CLASP2: variants seen among roughly 807,000 people sequenced by gnomAD.
CLASP2 encodes the protein cytoplasmic linker associated protein 2, also known as CLIP-associating protein 2.
Under a neutral mutation model 194.4 loss-of-function variants are expected in CLASP2, and 47 were observed. That is an observed-to-expected ratio of 0.24 (90% CI 0.19 to 0.31). The LOEUF (loss-of-function observed/expected upper bound fraction) is 0.31. CLASP2 is among the 10% of genes least tolerant of loss of function. CLASP2 has a pLI of 1.00. For synonymous variants in CLASP2, 619 were observed against 633.5 expected (o/e 0.98, Z 0.34); for missense variants, 1,445 against 1,823.6 (o/e 0.79, Z 3.78).
chr3:33,672,868 G>A (rs1196849079), intron 6 of CLASP2, among the ~76,000 whole-genome samples: 2 of 152,160 alleles, frequency 1.3e-5, no homozygotes, highest in African/African-American at 2.4e-5. Context: ...TGAATGAAAT[G>A]AAGCAAGAAG....
chr3:33,582,027 G>T, intron 22 of CLASP2, 99 bp from the exon 23 acceptor site: 1 of 650,392 alleles, frequency 1.5e-6, no homozygotes, highest in Non-Finnish European at 2.7e-6. Flanking sequence ...AGACTGAACA[G>T]TAACTTAAAT....
At chr3:33,620,260 C>T (rs997568375) in intron 11 of CLASP2, among the ~76,000 whole-genome samples, 21 of 152,068 alleles carry the variant, frequency 1.4e-4, no homozygotes, top group African/African-American at 4.1e-4. Context: ...TTTCCAAATC[C>T]GCAGTCAAAA....
intron 25 of CLASP2, among the ~76,000 whole-genome samples, chr3:33,572,907 A>G (rs1380860741): frequency 1.3e-5 from 2 of 149,630 alleles, no homozygotes; most frequent in African/African-American, 5.0e-5. Flanking sequence ...TAATAGAACA[A>G]ATAATTTTTT....
intron 34 of CLASP2, among the ~76,000 whole-genome samples, chr3:33,529,984 CAAAA>C (rs1169927619): frequency 6.2e-5 from 2 of 32,240 alleles, no homozygotes; most frequent in Non-Finnish European, 1.2e-4. Context: ...GACTCCGTCT[CAAAA>C]AAAAAAAAAA....
chr3:33,642,517 G>A (rs1299208737), intron 8 of CLASP2, among the ~76,000 whole-genome samples: 3 of 151,742 alleles, frequency 2.0e-5, no homozygotes, highest in East Asian at 1.9e-4. Context: ...GTAGTGGCAC[G>A]GCAGGTGATT....
At chr3:33,707,851 G>T (rs2092766457) in intron 1 of CLASP2, among the ~76,000 whole-genome samples, 2 of 152,100 alleles carry the variant, frequency 1.3e-5, no homozygotes, top group Admixed American at 1.3e-4. Context: ...GAGACTGAGG[G>T]GGAAACATTA....
At position 33,543,465 on chromosome 3, in the gene CLASP2, A is replaced by G. The variant is rs760398785; in HGVS notation, c.3372T>C (p.Pro1124=). The G allele has an allele frequency of 6.8e-5, 109 of 1,610,204 alleles. 2 individuals carry two copies. In the South Asian group the frequency reaches 1.2e-3, roughly 17 times the overall value. Residue 1124 remains proline, a synonymous_variant, in exon 32 of 39, where the codon CCT becomes CCC. Coordinates refer to ENST00000682230, the MANE Select transcript of CLASP2 (RefSeq NM_001365631.1). ...ATAAAGTATTCTGTGATGTATTGGT[A>G]GGAGAAGTAAGAGGACTGGACCAGT... ...PANWSSPLTS[P]TNTSQNTLSP... is the part of the protein sequence containing the mutation.
At chr3:33,509,801 T>G (rs1256901784) in intron 37 of CLASP2, among the ~76,000 whole-genome samples, 1 of 152,172 alleles carries the variant, frequency 6.6e-6, no homozygotes, top group Non-Finnish European at 1.5e-5. Flanking sequence ...GTTAAAATGT[T>G]TCTATGATGG....
At chr3:33,509,377 G>C (rs1182544312) in intron 37 of CLASP2, among the ~76,000 whole-genome samples, 1 of 152,106 alleles carries the variant, frequency 6.6e-6, no homozygotes, top group Non-Finnish European at 1.5e-5. Flanking sequence ...CAACACACCT[G>C]GCTAATTTTG....
At chr3:33,678,509 T>C (rs1055559034) in intron 6 of CLASP2, among the ~76,000 whole-genome samples, 4 of 152,160 alleles carry the variant, frequency 2.6e-5, no homozygotes, top group African/African-American at 9.7e-5. Flanking sequence ...ACAATTCTTT[T>C]TAGTTTTCTT....
At chr3:33,586,043 G>A (rs189801274) in intron 21 of CLASP2, among the ~76,000 whole-genome samples, 56 of 152,182 alleles carry the variant, frequency 3.7e-4, no homozygotes, top group African/African-American at 1.3e-3. Flanking sequence ...ATAGCAAAGC[G>A]CTCTTGGGTA....
At chr3:33,506,459 C>T in intron 37 of CLASP2, among the ~76,000 whole-genome samples, 1 of 137,600 alleles carries the variant, frequency 7.3e-6, no homozygotes, top group Admixed American at 7.6e-5. Flanking sequence ...TAGTATTATT[C>T]TAAAGTACTG....
chr3:33,677,217 G>C (rs914477644), intron 6 of CLASP2, among the ~76,000 whole-genome samples: 11 of 152,084 alleles, frequency 7.2e-5, no homozygotes, highest in African/African-American at 2.7e-4. Context: ...TATACCCAAA[G>C]GACTATAAAT....
intron 7 of CLASP2, among the ~76,000 whole-genome samples, chr3:33,653,428 G>C (rs1161488325): frequency 6.6e-6 from 1 of 151,972 alleles, no homozygotes; most frequent in African/African-American, 2.4e-5. Flanking sequence ...TAAATGGCAA[G>C]AGGAGAAAAA....
At chr3:33,538,424 T>A (rs896350897) in intron 33 of CLASP2, among the ~76,000 whole-genome samples, 3 of 152,210 alleles carry the variant, frequency 2.0e-5, no homozygotes, top group Admixed American at 6.5e-5. Flanking sequence ...TAAAACTCTG[T>A]AGTACTCATC....
chr3:33,633,616 A>G (rs1436122753), intron 8 of CLASP2, among the ~76,000 whole-genome samples: 1 of 152,200 alleles, frequency 6.6e-6, no homozygotes, highest in Non-Finnish European at 1.5e-5. Flanking sequence ...GTGAATATAT[A>G]TGTTTAAAGA....
At chr3:33,577,220 C>G in intron 23 of CLASP2, 1 of 1,597,682 alleles carries the variant, frequency 6.3e-7, no homozygotes, top group South Asian at 1.1e-5. Context: ...CCATACACTT[C>G]GGGGGCGTAG....
At chr3:33,600,089 TG>T (rs1208630802) in intron 18 of CLASP2, among the ~76,000 whole-genome samples, 4 of 150,610 alleles carry the variant, frequency 2.7e-5, no homozygotes, top group African/African-American at 9.8e-5. Context: ...ATATTTTTTT[TG>T]TGTGTGTGTG....
intron 37 of CLASP2, among the ~76,000 whole-genome samples, chr3:33,507,790 CTT>C (rs1378615595): frequency 6.6e-6 from 1 of 151,938 alleles, no homozygotes; most frequent in Admixed American, 6.6e-5. Flanking sequence ...GGCAAGAAAA[CTT>C]TTGTCTAGTT....
Sources: allele counts gnomAD v4.1 joint callset (sites outside exome capture counted in the v4.1 genomes callset), GRCh38; gene constraint gnomAD v4.1.1; transcripts MANE v1.5; gene names NCBI Gene and HGNC (gene_info 2026-07-23, HGNC 2026-07-21).